The following KCNJ6 variants were observed in gnomAD, a reference collection of about 807,000 sequenced individuals.
The protein encoded by KCNJ6 is potassium inwardly rectifying channel subfamily J member 6.
Under a neutral mutation model 34.2 loss-of-function variants are expected in KCNJ6, and 9 were observed. The observed-to-expected ratio is 0.26, with a 90% CI of 0.16 to 0.46. KCNJ6 has a LOEUF of 0.46. Among genes scored for constraint, KCNJ6 ranks in the 20% least tolerant of loss-of-function variants. The pLI is 1.00. For synonymous variants in KCNJ6, 196 were observed against 207.1 expected (o/e 0.95, Z 0.46); for missense variants, 236 against 531.3 (o/e 0.44, Z 5.46).
At chr21:37,819,370 C>G (rs548069522) in intron 2 of KCNJ6, among the ~76,000 whole-genome samples, 77 of 152,224 alleles carry the variant, frequency 5.1e-4, no homozygotes, top group African/African-American at 1.9e-3. Context: ...GCCTCTTAGA[C>G]TTTTTAACTC....
At chr21:37,855,158 T>C (rs2123595467) in intron 1 of KCNJ6, among the ~76,000 whole-genome samples, 1 of 152,358 alleles carries the variant, frequency 6.6e-6, no homozygotes, top group South Asian at 2.1e-4. Flanking sequence ...ATCGAACTTT[T>C]AAAAAATAAA....
intron 1 of KCNJ6, among the ~76,000 whole-genome samples, chr21:37,890,344 C>T (rs1330181870): frequency 6.6e-6 from 1 of 152,172 alleles, no homozygotes; most frequent in East Asian, 1.9e-4. Context: ...AATTACTTCC[C>T]ACCAGGTCCC....
At chr21:37,831,352 T>C (rs1057099592) in intron 2 of KCNJ6, among the ~76,000 whole-genome samples, 3 of 152,244 alleles carry the variant, frequency 2.0e-5, no homozygotes, top group Admixed American at 1.3e-4. Flanking sequence ...GTACAGGGAC[T>C]GCACTAATGT....
At chr21:37,640,722 G>A (rs2054377224) in intron 3 of KCNJ6, among the ~76,000 whole-genome samples, 4 of 152,172 alleles carry the variant, frequency 2.6e-5, no homozygotes, top group Admixed American at 1.3e-4. Context: ...TTGATGCGTG[G>A]TATTTAAAGA....
chr21:37,642,208 T>C (rs1000712204), intron 3 of KCNJ6, among the ~76,000 whole-genome samples: 2 of 151,840 alleles, frequency 1.3e-5, no homozygotes, highest in African/African-American at 4.8e-5. Flanking sequence ...AACAGAAGCC[T>C]GGGAGGGGGC....
intron 1 of KCNJ6, among the ~76,000 whole-genome samples, chr21:37,843,964 T>C (rs1356456855): frequency 6.6e-6 from 1 of 152,210 alleles, no homozygotes; most frequent in Non-Finnish European, 1.5e-5. Flanking sequence ...CTAATTTCCA[T>C]GAATGGCTGG....
chr21:37,742,498 C>A (rs2054945981), intron 2 of KCNJ6, among the ~76,000 whole-genome samples: 1 of 85,126 alleles, frequency 1.2e-5, no homozygotes, highest in African/African-American at 5.0e-5. Flanking sequence ...TTTTAATTAA[C>A]CCAGAAAAAT....
At position 37,776,788 on chromosome 21, in the gene KCNJ6, G is replaced by A. The variant is rs2055144718; in HGVS notation, c.26-61657C>T. 2.0e-5 allele frequency among the ~76,000 whole-genome samples: 3 copies of A among 152,252 alleles called. No homozygotes were observed. In the South Asian group the frequency reaches 6.2e-4, roughly 32 times the overall value. ...AGGATTTTTGTATCGATGTTCATCA[G>A]GGATATTGGTCTAAAATTCTCTTTT... On this transcript the variant is annotated intron_variant, in intron 2 of 3. Coordinates refer to ENST00000609713, the MANE Select transcript of KCNJ6 (RefSeq NM_002240.5).
At chr21:37,693,635 A>T (rs1435520522) in intron 3 of KCNJ6, among the ~76,000 whole-genome samples, 1 of 152,228 alleles carries the variant, frequency 6.6e-6, no homozygotes, top group Non-Finnish European at 1.5e-5. Flanking sequence ...GTGAAAATTT[A>T]AAAAATTGAT....
At chr21:37,709,709 C>G (rs2054741216) in intron 3 of KCNJ6, among the ~76,000 whole-genome samples, 1 of 152,278 alleles carries the variant, frequency 6.6e-6, no homozygotes, top group South Asian at 2.1e-4. Flanking sequence ...AGTCACGGGT[C>G]TTGTTGAGGT....
intron 3 of KCNJ6, among the ~76,000 whole-genome samples, chr21:37,667,553 C>T (rs1176665904): frequency 2.0e-5 from 3 of 150,274 alleles, no homozygotes; most frequent in East Asian, 2.0e-4. Flanking sequence ...TAGCGGGCGC[C>T]GGGGTAGCAG....
intron 1 of KCNJ6, among the ~76,000 whole-genome samples, chr21:37,862,516 C>T (rs1016694): frequency 0.51 from 77,809 of 152,098 alleles, 20,223 homozygotes; most frequent in Admixed American, 0.62. Context: ...GATCTGAGTT[C>T]AAGCTAATAT....
chr21:37,780,722 C>T (rs558132390), intron 2 of KCNJ6, among the ~76,000 whole-genome samples: 1 of 152,182 alleles, frequency 6.6e-6, no homozygotes, highest in Admixed American at 6.5e-5. Flanking sequence ...AACTAAAAGA[C>T]TACATAATTG....
intron 2 of KCNJ6, among the ~76,000 whole-genome samples, chr21:37,759,052 C>T (rs1233899296): frequency 1.3e-5 from 2 of 152,236 alleles, no homozygotes; most frequent in African/African-American, 2.4e-5. Context: ...TTTAAGTCCT[C>T]CTCTTGACAG....
chr21:37,777,265 G>A (rs151152281), intron 2 of KCNJ6, among the ~76,000 whole-genome samples: 441 of 152,122 alleles, frequency 2.9e-3, no homozygotes, highest in African/African-American at 0.01. Context: ...CTTGCTAGCG[G>A]TCTATCAATT....
At chr21:37,864,821 A>G (rs2055613727) in intron 1 of KCNJ6, among the ~76,000 whole-genome samples, 1 of 151,520 alleles carries the variant, frequency 6.6e-6, no homozygotes, top group African/African-American at 2.4e-5. Context: ...AGGGGTCTCT[A>G]GCACTTCTGT....
chr21:37,793,096 G>A (rs2055224489), intron 2 of KCNJ6, among the ~76,000 whole-genome samples: 2 of 152,304 alleles, frequency 1.3e-5, no homozygotes, highest in Admixed American at 6.5e-5. Context: ...ATCAGGATAG[G>A]ATGGCCTAAC....
chr21:37,723,214 G>A (rs1400959965), intron 2 of KCNJ6, among the ~76,000 whole-genome samples: 2 of 152,108 alleles, frequency 1.3e-5, no homozygotes, highest in African/African-American at 4.8e-5. Flanking sequence ...GCAAATGAAA[G>A]CCGCAGTGAG....
intron 3 of KCNJ6, among the ~76,000 whole-genome samples, chr21:37,703,588 T>C (rs1355061146): frequency 1.3e-5 from 2 of 152,200 alleles, no homozygotes; most frequent in Non-Finnish European, 2.9e-5. Flanking sequence ...CGTTTCATTA[T>C]AAGAAGAGAC....
Sources: allele counts gnomAD v4.1 joint callset (sites outside exome capture counted in the v4.1 genomes callset), GRCh38; gene constraint gnomAD v4.1.1; transcripts MANE v1.5; gene names NCBI Gene and HGNC (gene_info 2026-07-23, HGNC 2026-07-21).